WHAMM: variants seen among roughly 807,000 people sequenced by gnomAD.
The protein encoded by WHAMM is WASP homolog associated with actin, golgi membranes and microtubules.
A neutral mutation model predicts 76.5 loss-of-function variants in WHAMM; 67 were observed. The ratio of observed to expected loss-of-function variants is 0.88; its 90% CI spans 0.72 to 1.07. WHAMM has a LOEUF of 1.07. WHAMM is among the 50% of genes least tolerant of loss of function. The pLI is 0.00. For synonymous variants in WHAMM, 419 were observed against 422.1 expected, an observed-to-expected ratio of 0.99 and a Z score of 0.09; for missense variants, 1,021 against 1,051.1, an observed-to-expected ratio of 0.97 and a Z score of 0.40.
chr15:82,809,857 C>G lies in WHAMM; in HGVS notation c.131C>G (p.Thr44Ser). ...GGCGCGGAGGGCAAGTTCGCTGTGA[C>G]TTGTCACGACCGTACCGCGCAGCAG... is the stretch of plus-strand genomic sequence containing the variant. ...WNGAEGKFAV[T>S]CHDRTAQQRR... The change falls in exon 1 of 10, where the codon ACT becomes AGT. Residue 44 changes from threonine (T) to serine (S), a missense_variant. This residue lies in a region of WHAMM where 501 missense variants were observed against 524.9 expected (regional missense o/e 0.95). Transcript: ENST00000286760. The G allele has an allele frequency of 6.2e-7, 1 of 1,602,376 alleles. No individual in the cohort carries two copies. The highest frequency in any genetic ancestry group is 8.5e-7 in the Non-Finnish European group (1 of 1,175,284).
At position 82,831,027 on chromosome 15, in the gene WHAMM, C is replaced by G. The variant is rs776234348; in HGVS notation, c.2070C>G (p.Cys690Trp). Residue 690 changes from cysteine (C) to tryptophan (W), a missense_variant, in exon 9 of 10, where the codon TGC becomes TGG. By Grantham distance (215) the Cys-to-Trp change is radical. Transcript: ENST00000286760. ...ATGACCAGCCACGTCCTCTAGTGTG[C>G]GAATCACCTGCTGAGCGACCACGTG... is the stretch of plus-strand genomic sequence containing the variant. ...VKDDQPRPLV[C>W]ESPAERPRDS... is the part of the protein sequence containing the mutation. 1.2e-6 allele frequency: 2 copies of G among 1,610,832 alleles called. No homozygotes were observed. The highest frequency in any genetic ancestry group is 1.7e-6 in the Non-Finnish European group (2 of 1,179,760).
chr15:82,825,299 T>C (rs12907810), intron 6 of WHAMM, among the ~76,000 whole-genome samples: 23,262 of 152,096 alleles, frequency 0.15, 1,958 homozygotes, highest in South Asian at 0.34. Flanking sequence ...AAGACTCTCC[T>C]TTGGCACTCC....
chr15:82,826,653 G>T (rs1255705479), intron 7 of WHAMM, 98 bp from the exon 8 acceptor site: 1 of 1,541,156 alleles, frequency 6.5e-7, no homozygotes, highest in Admixed American at 2.2e-5. Flanking sequence ...GGTAATGTTG[G>T]GGTACAGCCT....
At chr15:82,833,087 A>T (rs770712347) in intron 9 of WHAMM, 142 bp from the exon 10 acceptor site, 63 of 1,002,398 alleles carry the variant, frequency 6.3e-5, no homozygotes, top group Non-Finnish European at 8.7e-5. Flanking sequence ...TTAGCACGTA[A>T]TCAAGGCATT....
rs900023853 is a variant in WHAMM, at chr15:82,833,610, A to C, written c.*74A>C. On this transcript the variant is annotated 3_prime_UTR_variant, in exon 10 of 10. Transcript: ENST00000286760. ...GTGAGTCTTAGACCTATCGAAAAGC[A>C]TACTAACAGGGTGCTGATAGATGGG... 3 of 1,501,284 alleles carry C rather than the reference A, an allele frequency of 2.0e-6. No homozygotes were observed. The highest frequency in any genetic ancestry group is 2.7e-6 in the Non-Finnish European group (3 of 1,114,684). The allele number at this position is 1,501,284 out of a possible 1,614,324, so 93.0% of individuals were successfully genotyped here.
chr15:82,810,973 G>T (rs1419562422), intron 1 of WHAMM, among the ~76,000 whole-genome samples: 4 of 152,178 alleles, frequency 2.6e-5, no homozygotes, highest in African/African-American at 9.7e-5. Flanking sequence ...CAAGTTCACA[G>T]AAGGGTTTAG....
intron 5 of WHAMM, among the ~76,000 whole-genome samples, chr15:82,821,624 G>A (rs939839159): frequency 4.6e-5 from 7 of 152,146 alleles, no homozygotes; most frequent in Non-Finnish European, 1.0e-4. Context: ...TACCTTGGAA[G>A]CACATTTTAG....
chr15:82,826,551 C>T, intron 7 of WHAMM, 55 bp downstream of exon 7: 1 of 1,596,828 alleles, frequency 6.3e-7, no homozygotes, highest in South Asian at 1.1e-5. Context: ...ACATGCAGGC[C>T]TAGACTTGTG....
chr15:82,828,730 T>A (rs1242563163), intron 8 of WHAMM, among the ~76,000 whole-genome samples: 2 of 152,012 alleles, frequency 1.3e-5, no homozygotes, highest in African/African-American at 4.8e-5. Context: ...CTGGAACAAT[T>A]AGTTAAACGC....
chr15:82,813,011 G>A, intron 1 of WHAMM, 92 bp from the exon 2 acceptor site: 1 of 982,282 alleles, frequency 1.0e-6, no homozygotes, highest in Non-Finnish European at 1.4e-6. Context: ...TAAAAGTTGA[G>A]AACATGAAGG....
intron 9 of WHAMM, among the ~76,000 whole-genome samples, chr15:82,832,307 A>G (rs900009420): frequency 6.6e-6 from 1 of 152,260 alleles, no homozygotes; most frequent in Non-Finnish European, 1.5e-5. Flanking sequence ...ATAAGAAGGT[A>G]TAAGTTTAAA....
intron 5 of WHAMM, among the ~76,000 whole-genome samples, chr15:82,821,560 TC>T (rs371936606): frequency 8.1e-4 from 123 of 152,324 alleles, no homozygotes; most frequent in African/African-American, 2.9e-3. Context: ...GTTGTTCTCC[TC>T]CATTGGTTTG....
In WHAMM at chr15:82,816,725, A is replaced by C. The variant is rs2050733625; in HGVS notation, c.817A>C (p.Arg273=). 2 of 1,557,494 alleles carry C rather than the reference A, an allele frequency of 1.3e-6. No individual in the cohort carries two copies. The highest frequency in any genetic ancestry group is 1.9e-5 in the Admixed American group (1 of 51,488). The part of the protein sequence containing the change: ...SLDEDDLGPR[R]VVALEKEAEE... ...GGATGAGGATGACCTAGGTCCTAGAAGGGTAGTTGCCCTGGAGAAAGAAGC... is the reference window on the plus strand; with the variant it reads ...GGATGAGGATGACCTAGGTCCTAGACGGGTAGTTGCCCTGGAGAAAGAAGC... The change falls in exon 3 of 10, where the codon AGG becomes CGG. Residue 273 remains arginine (R), a synonymous_variant. Coordinates refer to ENST00000286760, the MANE Select transcript of WHAMM (RefSeq NM_001080435.3).
intron 2 of WHAMM, among the ~76,000 whole-genome samples, chr15:82,814,626 T>G (rs1237392255): frequency 6.6e-6 from 1 of 150,914 alleles, no homozygotes; most frequent in Non-Finnish European, 1.5e-5. Context: ...AATTTTGTAT[T>G]TTTTTAGTAG....
chr15:82,826,520 G>A, intron 7 of WHAMM, 24 bp downstream of exon 7: 1 of 1,609,254 alleles, frequency 6.2e-7, no homozygotes, highest in Non-Finnish European at 8.5e-7. Flanking sequence ...GAAGGAAAAT[G>A]TTCTATGTTT....
chr15:82,823,243 C>A lies in WHAMM; in HGVS notation c.1414C>A (p.Arg472=). The change falls in exon 6 of 10, where the codon CGG becomes AGG. Residue 472 remains arginine (R), a synonymous_variant. Transcript: ENST00000286760. The stretch of plus-strand genomic sequence containing the variant: ...GCAGTGCCAGCAGCTGGAGTCTAAA[C>A]GGGGCAGGATCTGTGCCAAAAGAGC... The part of the protein sequence containing the change: ...RRQCQQLESK[R]GRICAKRASL... 1 of 1,579,558 alleles carries A rather than the reference C, an allele frequency of 6.3e-7. No homozygotes were observed. Among genetic ancestry groups the A allele is most frequent in the Non-Finnish European group, 8.6e-7 (1 of 1,160,074 alleles).
chr15:82,835,763 C>G lies in WHAMM; in HGVS notation c.*2227C>G, dbSNP rs1470331963. Reference sequence around the variant, plus strand: ...GGGGACGCAACCTGCGGGCTACTCGCTGGGCATCAGGTCCAGATCCCAGAG... The same window carrying G: ...GGGGACGCAACCTGCGGGCTACTCGGTGGGCATCAGGTCCAGATCCCAGAG... On this transcript the variant is annotated 3_prime_UTR_variant, in exon 10 of 10. Coordinates refer to ENST00000286760, the MANE Select transcript of WHAMM (RefSeq NM_001080435.3). 6.6e-6 allele frequency: 1 copy of G among 152,370 alleles called. No homozygotes were observed. The highest frequency in any genetic ancestry group is 1.5e-5 in the Non-Finnish European group (1 of 68,120). 9.4% of individuals were successfully genotyped at this position (152,370 alleles called of 1,614,324 possible).
At position 82,834,574 on chromosome 15, in the gene WHAMM, A is replaced by G. The variant is rs1246801235; in HGVS notation, c.*1038A>G. ...GACTACTGACTGTGGCCTTCTGTGC[A>G]TATGGAATAATGATTTCTCAGATTT... On this transcript the variant is annotated 3_prime_UTR_variant, in exon 10 of 10. Transcript: ENST00000286760. 1 of 152,688 alleles carries G rather than the reference A, an allele frequency of 6.5e-6. No homozygotes were observed. The highest frequency in any genetic ancestry group is 1.5e-5 in the Non-Finnish European group (1 of 68,040). 9.5% of individuals were successfully genotyped at this position (152,688 alleles called of 1,614,324 possible).
At chr15:82,823,058 AATAAT>A (rs1274418563) in intron 5 of WHAMM, 37 bp from the exon 6 acceptor site, 1 of 1,264,394 alleles carries the variant, frequency 7.9e-7, no homozygotes, top group Non-Finnish European at 1.0e-6. Flanking sequence ...CATTTTTTAA[AATAAT>A]AAAATATGTT....
Sources: allele counts gnomAD v4.1 joint callset (sites outside exome capture counted in the v4.1 genomes callset), GRCh38; gene constraint gnomAD v4.1.1; regional missense constraint gnomAD v4.1.1; transcripts MANE v1.5; gene names NCBI Gene and HGNC (gene_info 2026-07-23, HGNC 2026-07-21).